The following NCK1 variants were observed in gnomAD, a reference collection of about 807,000 sequenced individuals.
The protein encoded by NCK1 is SH2/SH3 adapter protein NCK1.
Under a neutral mutation model 36.6 loss-of-function variants are expected in NCK1, and 19 were observed. The observed-to-expected ratio is 0.52, with a 90% CI of 0.36 to 0.76. NCK1 has a LOEUF of 0.76. NCK1 is among the 30% of genes least tolerant of loss of function. The probability of loss-of-function intolerance (pLI) is 0.00; values close to 1 mark genes in which losing one functional copy is unlikely to be tolerated. For missense variants in NCK1, 358 were observed against 445.6 expected (o/e 0.80, Z 1.77); for synonymous variants, 165 against 156.0 (o/e 1.06, Z -0.43).
intron 1 of NCK1, among the ~76,000 whole-genome samples, chr3:136,870,701 A>T (rs1560030163): frequency 6.6e-6 from 1 of 151,492 alleles, no homozygotes; most frequent in African/African-American, 2.4e-5. Context: ...AAAAAAAAAA[A>T]AAAAAAGGCC....
At chr3:136,947,460 G>A (rs551481925) in intron 3 of NCK1, among the ~76,000 whole-genome samples, 21 of 152,184 alleles carry the variant, frequency 1.4e-4, no homozygotes, top group African/African-American at 4.6e-4. Flanking sequence ...ACTTTTTAAG[G>A]TTAGAGGTCT....
rs146677321 is a variant in NCK1 at position 136,888,265 on chromosome 3, C to T, written c.-19+25912C>T. Among the ~76,000 whole-genome samples the T allele has an allele frequency of 2.0e-5, 3 of 152,138 alleles. No homozygotes were observed. In the East Asian group the frequency reaches 5.8e-4, roughly 29 times the overall value. On this transcript the variant is annotated intron_variant, in intron 1 of 3. Coordinates refer to ENST00000481752, the MANE Select transcript of NCK1 (RefSeq NM_001291999.2). Reference sequence around the variant, plus strand: ...GCCCTCCTTGCTTTATTTTATGATTCCATTCAGTCATTAGTCTTGTCGGTT... The same window carrying T: ...GCCCTCCTTGCTTTATTTTATGATTTCATTCAGTCATTAGTCTTGTCGGTT...
chr3:136,877,638 T>C (rs1938811261), intron 1 of NCK1, among the ~76,000 whole-genome samples: 1 of 152,132 alleles, frequency 6.6e-6, no homozygotes, highest in African/African-American at 2.4e-5. Context: ...TTTTAGAAGA[T>C]TTGAACTACA....
chr3:136,915,133 G>C (rs545057000), intron 1 of NCK1, among the ~76,000 whole-genome samples: 227 of 152,236 alleles, frequency 1.5e-3, no homozygotes, highest in Non-Finnish European at 2.3e-3. Flanking sequence ...ATTAGCCTCA[G>C]GCATTCCTTT....
rs1340865053 is a variant in NCK1, at chr3:136,862,209, C to A, written c.-163C>A. 1 of 152,398 alleles carries A rather than the reference C, an allele frequency of 6.6e-6. No homozygotes were observed. The highest frequency in any genetic ancestry group is 1.5e-5 in the Non-Finnish European group (1 of 68,134). The allele number at this position is 152,398 out of a possible 1,614,324, so 9.4% of individuals were successfully genotyped here. On this transcript the variant is annotated 5_prime_UTR_variant, in exon 1 of 4. Coordinates refer to ENST00000481752, the MANE Select transcript of NCK1 (RefSeq NM_001291999.2). Reference sequence around the variant, plus strand: ...CTGCCCGCGCGGATCCGCCTGCCCACCGCGCGTGCCCCGCCTCTCTCCCAA... The same window carrying A: ...CTGCCCGCGCGGATCCGCCTGCCCAACGCGCGTGCCCCGCCTCTCTCCCAA...
At chr3:136,943,404 C>G (rs761623102) in intron 2 of NCK1, among the ~76,000 whole-genome samples, 3 of 152,210 alleles carry the variant, frequency 2.0e-5, no homozygotes, top group Non-Finnish European at 4.4e-5. Flanking sequence ...GTTTGAGGTA[C>G]TGATGGCACA....
rs764042177 is a variant in NCK1 at position 136,945,758 on chromosome 3, C to G, written c.402C>G (p.Ile134Met). Residue 134 changes from isoleucine (I) to methionine (M), a missense_variant, in exon 3 of 4, where the codon ATC (isoleucine) becomes ATG (methionine). This residue lies in a region of NCK1 where 143 missense variants were observed against 162.4 expected (regional missense o/e 0.88). Transcript: ENST00000481752. Reference protein sequence around the residue: ...ELSLIKGTKVIVMEKCSDGWW... With the variant: ...ELSLIKGTKVMVMEKCSDGWW... The stretch of plus-strand genomic sequence containing the variant: ...CATTGATAAAGGGGACAAAGGTGAT[C>G]GTCATGGAGAAATGCAGTGATGGGT... 2 of 1,613,920 alleles carry G rather than the reference C, an allele frequency of 1.2e-6. No individual in the cohort carries two copies. Among genetic ancestry groups the G allele is most frequent in the Admixed American group, 1.7e-5 (1 of 59,994 alleles).
intron 1 of NCK1, among the ~76,000 whole-genome samples, chr3:136,922,224 C>T (rs1260005093): frequency 3.9e-5 from 6 of 152,200 alleles, no homozygotes; most frequent in Non-Finnish European, 8.8e-5. Flanking sequence ...ATGTTTGGCC[C>T]TTACCCTCTC....
At chr3:136,865,867 G>C (rs976800226) in intron 1 of NCK1, among the ~76,000 whole-genome samples, 5 of 152,168 alleles carry the variant, frequency 3.3e-5, no homozygotes, top group African/African-American at 1.2e-4. Flanking sequence ...TGCTGACTTT[G>C]TTTTGGTGAC....
intron 1 of NCK1, chr3:136,867,667 G>A (rs1938489864): frequency 6.6e-6 from 1 of 152,028 alleles, no homozygotes; most frequent in Non-Finnish European, 1.5e-5. Flanking sequence ...ATCCAACCTT[G>A]TGTTTTACAG....
At position 136,949,706 on chromosome 3, in the gene NCK1, GATGTCGT is replaced by G. The variant is rs911449458; in HGVS notation, c.*1257_*1263del. 12 of 151,962 alleles carry G rather than the reference GATGTCGT, an allele frequency of 7.9e-5. No individual in the cohort carries two copies. The highest frequency in any genetic ancestry group is 2.9e-4 in the African/African-American group (12 of 41,438). 9.4% of individuals were successfully genotyped at this position (151,962 alleles called of 1,614,324 possible). ...ATACTAAAGCCACATAACTGAGTAGGATGTCGTATGATACTTTCAACAAATTCCCTAA... is the reference window on the plus strand; with the variant it reads ...ATACTAAAGCCACATAACTGAGTAGGATGATACTTTCAACAAATTCCCTAA... On this transcript the variant is annotated 3_prime_UTR_variant, in exon 4 of 4. Coordinates refer to ENST00000481752, the MANE Select transcript of NCK1 (RefSeq NM_001291999.2).
chr3:136,937,601 GTCT>G (rs1269139860), intron 2 of NCK1, among the ~76,000 whole-genome samples: 8 of 152,170 alleles, frequency 5.3e-5, no homozygotes, highest in African/African-American at 1.9e-4. Flanking sequence ...GTTTATTTAA[GTCT>G]TCTTTAATTT....
chr3:136,897,659 C>A (rs1331056001), intron 1 of NCK1, among the ~76,000 whole-genome samples: 1 of 152,296 alleles, frequency 6.6e-6, no homozygotes, highest in South Asian at 2.1e-4. Flanking sequence ...CATATTTTCT[C>A]CCATTCAGCA....
At chr3:136,883,247 T>G (rs1938992085) in intron 1 of NCK1, among the ~76,000 whole-genome samples, 1 of 152,152 alleles carries the variant, frequency 6.6e-6, no homozygotes, top group African/African-American at 2.4e-5. Context: ...TAGAATAAAA[T>G]TGGCCTGTGT....
intron 3 of NCK1, among the ~76,000 whole-genome samples, chr3:136,946,673 C>T (rs567515818): frequency 1.2e-4 from 2 of 16,088 alleles, no homozygotes; most frequent in South Asian, 2.9e-3. Flanking sequence ...CTATTGGATG[C>T]AATGTGTAAG....
In NCK1 at chr3:136,946,104, A is replaced by G. The variant is rs1433627253; in HGVS notation, c.748A>G (p.Met250Val). Residue 250 changes from methionine to valine, a missense_variant, in exon 3 of 4, where the codon ATG becomes GTG. Coordinates refer to ENST00000481752, the MANE Select transcript of NCK1 (RefSeq NM_001291999.2). ...GLVPKNYVTVMQNNPLTSGLE... is the reference protein window; with the variant it reads ...GLVPKNYVTVVQNNPLTSGLE... ...AGTACCAAAAAACTATGTTACCGTTATGCAGAATAATCCATTAACTTCAGG... is the reference window on the plus strand; with the variant it reads ...AGTACCAAAAAACTATGTTACCGTTGTGCAGAATAATCCATTAACTTCAGG... 1 of 1,614,012 alleles carries G rather than the reference A, an allele frequency of 6.2e-7. No individual in the cohort carries two copies. The highest frequency in any genetic ancestry group is 1.7e-5 in the Admixed American group (1 of 59,978).
chr3:136,918,796 C>G (rs1490566641), intron 1 of NCK1, among the ~76,000 whole-genome samples: 1 of 152,162 alleles, frequency 6.6e-6, no homozygotes, highest in Non-Finnish European at 1.5e-5. Flanking sequence ...GCCTTAGATA[C>G]TGAGGGCCAA....
chr3:136,935,093 GGT>G (rs1940495542), intron 2 of NCK1, among the ~76,000 whole-genome samples: 1 of 152,104 alleles, frequency 6.6e-6, no homozygotes, highest in Non-Finnish European at 1.5e-5. Flanking sequence ...GTACTGACAG[GGT>G]TTCGCATGTT....
At chr3:136,932,467 T>C (rs1304512744) in intron 2 of NCK1, among the ~76,000 whole-genome samples, 1 of 152,198 alleles carries the variant, frequency 6.6e-6, no homozygotes, top group African/African-American at 2.4e-5. Flanking sequence ...GTACAATGTT[T>C]TAAATAAAAC....
Sources: gnomAD v4.1 joint callset for allele counts (sites outside exome capture counted in the v4.1 genomes callset) on GRCh38, gnomAD v4.1.1 for gene constraint, gnomAD v4.1.1 regional missense constraint, MANE v1.5 for transcripts, NCBI Gene and HGNC (gene_info 2026-07-23, HGNC 2026-07-21) for gene names.